DERA: variants seen among roughly 807,000 people sequenced by gnomAD.
The protein encoded by DERA is deoxyribose-phosphate aldolase.
Under a neutral mutation model 41.1 loss-of-function variants are expected in DERA, and 15 were observed. The ratio of observed to expected loss-of-function variants is 0.37; its 90% CI spans 0.24 to 0.56. The LOEUF (loss-of-function observed/expected upper bound fraction) is 0.56. DERA is among the 20% of genes least tolerant of loss of function. DERA has a pLI of 0.81. For synonymous variants in DERA, 139 were observed against 137.4 expected (o/e 1.01, Z -0.08); for missense variants, 396 against 403.4 (o/e 0.98, Z 0.16).
chr12:16,002,729 C>T (rs1379308179), intron 6 of DERA, among the ~76,000 whole-genome samples: 1 of 152,082 alleles, frequency 6.6e-6, no homozygotes, highest in East Asian at 1.9e-4. Context: ...GACTCTTTAC[C>T]TCTCCTGAAC....
Position 16,017,291 on chromosome 12 carries a change from C to T in DERA, c.638-15251C>T, listed in dbSNP as rs549745294. Among the ~76,000 whole-genome samples the T allele has an allele frequency of 2.7e-4, 41 of 152,292 alleles. No homozygotes were observed. The highest frequency in any genetic ancestry group is 9.6e-4 in the African/African-American group (40 of 41,556). On this transcript the variant is annotated intron_variant, in intron 6 of 8. Transcript: ENST00000428559. The surrounding 1 kb of genome is among the most constrained non-coding windows in gnomAD (Gnocchi z 5.5). ...TAAACAAGCATCATTGCTTAGTTATCGTGTTCTATTGCATTGCTAACGTGA... is the reference window on the plus strand; with the variant it reads ...TAAACAAGCATCATTGCTTAGTTATTGTGTTCTATTGCATTGCTAACGTGA...
rs1194469357 is a variant in DERA at position 16,000,233 on chromosome 12, G to A, written c.637+17797G>A. 2.0e-5 allele frequency among the ~76,000 whole-genome samples: 3 copies of A among 152,102 alleles called. No individual in the cohort carries two copies. The highest frequency in any genetic ancestry group is 4.8e-5 in the African/African-American group (2 of 41,392). ...GTTTCCATTTATAAGACCTGCACCC[G>A]TTCATTCTATTATTGGTTTATTGCA... is the stretch of plus-strand genomic sequence containing the variant. On this transcript the variant is annotated intron_variant, in intron 6 of 8. Transcript: ENST00000428559. The surrounding 1 kb of genome is among the most constrained non-coding windows in gnomAD (Gnocchi z 4.8).
In DERA at chr12:15,976,077, T is replaced by A. The variant is rs1018666654; in HGVS notation, c.509-6231T>A. Among the ~76,000 whole-genome samples the A allele has an allele frequency of 1.3e-5, 2 of 152,160 alleles. No homozygotes were observed. The highest frequency in any genetic ancestry group is 2.4e-5 in the African/African-American group (1 of 41,446). ...TCATTTTTATTTATTTATATATCAG[T>A]CTATAAATCTGTCTTAGAACTTACA... On this transcript the variant is annotated intron_variant, in intron 5 of 8. Transcript: ENST00000428559. The surrounding 1 kb of genome is among the most constrained non-coding windows in gnomAD (Gnocchi z 4.1).
intron 7 of DERA, 170 bp downstream of exon 7, chr12:16,032,824 A>G (rs1949102113): frequency 5.2e-6 from 3 of 574,618 alleles, no homozygotes; most frequent in Non-Finnish European, 9.1e-6. Flanking sequence ...ATGGAGAAAA[A>G]TTGTGATGAA....
At chr12:15,932,816 ATTT>A (rs1420535674) in intron 1 of DERA, among the ~76,000 whole-genome samples, 1 of 152,108 alleles carries the variant, frequency 6.6e-6, no homozygotes, top group African/African-American at 2.4e-5. Flanking sequence ...TCTAACCGAA[ATTT>A]TTGTACCCTT....
At chr12:15,997,761 T>G (rs1281099578) in intron 6 of DERA, among the ~76,000 whole-genome samples, 1 of 152,238 alleles carries the variant, frequency 6.6e-6, no homozygotes, top group African/African-American at 2.4e-5. Flanking sequence ...GAACATACTT[T>G]TCAAATTGAA....
At chr12:16,023,615 C>T (rs1207009743) in intron 6 of DERA, among the ~76,000 whole-genome samples, 1 of 149,824 alleles carries the variant, frequency 6.7e-6, no homozygotes, top group East Asian at 2.0e-4. Flanking sequence ...GTAGCTGGGA[C>T]TACAGGCGCC....
Position 15,936,947 on chromosome 12 carries a change from CGTCCTGTCCT to C in DERA, c.32-19987_32-19978del, listed in dbSNP as rs1948372102. 1.5e-5 allele frequency among the ~76,000 whole-genome samples: 2 copies of C among 135,732 alleles called. No homozygotes were observed. The highest frequency in any genetic ancestry group is 6.3e-5 in the African/African-American group (2 of 31,980). 89.0% of individuals were successfully genotyped at this position (135,732 alleles called of 152,430 possible). ...TGTCCTGTCCTGTCTTGTCCTGTCC[CGTCCTGTCCT>C]GCCCTGCCCTGCCCTGTCTTGTCTT... On this transcript the variant is annotated intron_variant, in intron 1 of 8. Coordinates refer to ENST00000428559, the MANE Select transcript of DERA (RefSeq NM_015954.4). This position sits in a 1 kb window ranked among gnomAD's most constrained non-coding sequence, Gnocchi z 4.6.
In DERA at chr12:16,012,834, G is replaced by A. The variant is rs910015633; in HGVS notation, c.638-19708G>A. On this transcript the variant is annotated intron_variant, in intron 6 of 8. Coordinates refer to ENST00000428559, the MANE Select transcript of DERA (RefSeq NM_015954.4). The surrounding 1 kb of genome is among the most constrained non-coding windows in gnomAD (Gnocchi z 4.1). ...ACATTAATTAAATGAAGAGAAACAGGTGAAACAGTAATTATATTTTATTTA... is the reference window on the plus strand; with the variant it reads ...ACATTAATTAAATGAAGAGAAACAGATGAAACAGTAATTATATTTTATTTA... Among the ~76,000 whole-genome samples, 7 of 152,212 alleles carry A rather than the reference G, an allele frequency of 4.6e-5. No individual in the cohort carries two copies. The highest frequency in any genetic ancestry group is 7.4e-5 in the Non-Finnish European group (5 of 68,026).
rs551893497 is a variant in DERA, at chr12:15,924,930, C to T, written c.31+13516C>T. Among the ~76,000 whole-genome samples, 207 of 152,322 alleles carry T rather than the reference C, an allele frequency of 1.4e-3. No individual in the cohort carries two copies. The highest frequency in any genetic ancestry group is 3.4e-3 in the Middle Eastern group (1 of 294). ...GGTAGGATCTGTGCTTATCGGGCGT[C>T]TGTATCACTTATGTCACCTTGAACA... is the stretch of plus-strand genomic sequence containing the variant. On this transcript the variant is annotated intron_variant, in intron 1 of 8. Coordinates refer to ENST00000428559, the MANE Select transcript of DERA (RefSeq NM_015954.4). The surrounding 1 kb of genome is among the most constrained non-coding windows in gnomAD (Gnocchi z 5.0).
intron 6 of DERA, among the ~76,000 whole-genome samples, chr12:16,005,868 A>G (rs1471544792): frequency 1.3e-5 from 2 of 152,232 alleles, no homozygotes; most frequent in South Asian, 2.1e-4. Flanking sequence ...TAAATTTTTA[A>G]GCAGACAAGA....
At chr12:15,974,415 TTG>T (rs1948684127) in intron 5 of DERA, among the ~76,000 whole-genome samples, 1 of 152,186 alleles carries the variant, frequency 6.6e-6, no homozygotes, top group Non-Finnish European at 1.5e-5. Context: ...TACGGGCCTG[TTG>T]TTTTGTAAAA....
In DERA at chr12:15,943,772, A is replaced by G. The variant is rs1948425750; in HGVS notation, c.32-13164A>G. On this transcript the variant is annotated intron_variant, in intron 1 of 8. Transcript: ENST00000428559. This position sits in a 1 kb window ranked among gnomAD's most constrained non-coding sequence, Gnocchi z 4.5. Reference sequence around the variant, plus strand: ...ACTTTAAGTTCTAGGATACATATGCACAATGTGCAGGTTTGTTACATGTGT... The same window carrying G: ...ACTTTAAGTTCTAGGATACATATGCGCAATGTGCAGGTTTGTTACATGTGT... Among the ~76,000 whole-genome samples the G allele has an allele frequency of 6.6e-6, 1 of 151,176 alleles. No homozygotes were observed. The highest frequency in any genetic ancestry group is 2.1e-4 in the South Asian group (1 of 4,814).
rs2136163503 is a variant in DERA at position 15,984,058 on chromosome 12, C to T, written c.637+1622C>T. On this transcript the variant is annotated intron_variant, in intron 6 of 8. Transcript: ENST00000428559. The surrounding 1 kb of genome is among the most constrained non-coding windows in gnomAD (Gnocchi z 4.5). ...GCTTGCCAGCACAAGTGATTGTTAG[C>T]CCAGGTAACAAAGTAAAAGTTTGGA... 6.6e-6 allele frequency among the ~76,000 whole-genome samples: 1 copy of T among 152,216 alleles called. No homozygotes were observed. Among genetic ancestry groups the T allele is most frequent in the Non-Finnish European group, 1.5e-5 (1 of 68,016 alleles).
intron 6 of DERA, among the ~76,000 whole-genome samples, chr12:15,991,836 G>T (rs747773347): frequency 6.6e-6 from 1 of 152,010 alleles, no homozygotes; most frequent in Non-Finnish European, 1.5e-5. Flanking sequence ...TTGATGTTTG[G>T]AAACATTCCA....
rs1299914885 is a variant in DERA, at chr12:16,014,531, C to A, written c.638-18011C>A. 6.6e-6 allele frequency among the ~76,000 whole-genome samples: 1 copy of A among 152,252 alleles called. No homozygotes were observed. Among genetic ancestry groups the A allele is most frequent in the Non-Finnish European group, 1.5e-5 (1 of 68,048 alleles). ...GTCAAGAATTGAGGTTTGGAAACCA[C>A]CACCTAGGTTTCAGAGGATGTATGG... On this transcript the variant is annotated intron_variant, in intron 6 of 8. Coordinates refer to ENST00000428559, the MANE Select transcript of DERA (RefSeq NM_015954.4). The surrounding 1 kb of genome is among the most constrained non-coding windows in gnomAD (Gnocchi z 5.4).
chr12:15,935,580 G>A lies in DERA; in HGVS notation c.32-21356G>A, dbSNP rs930461658. Among the ~76,000 whole-genome samples the A allele has an allele frequency of 6.6e-6, 1 of 152,102 alleles. No homozygotes were observed. Reference sequence around the variant, plus strand: ...TTCACATATCTGTACCAGTTTCAGTGTAATTTGATTTATTTATTTTTATTA... The same window carrying A: ...TTCACATATCTGTACCAGTTTCAGTATAATTTGATTTATTTATTTTTATTA... On this transcript the variant is annotated intron_variant, in intron 1 of 8. Coordinates refer to ENST00000428559, the MANE Select transcript of DERA (RefSeq NM_015954.4). The surrounding 1 kb of genome is among the most constrained non-coding windows in gnomAD (Gnocchi z 4.8).
At chr12:15,949,251 C>A (rs1429505243) in intron 1 of DERA, among the ~76,000 whole-genome samples, 1 of 152,194 alleles carries the variant, frequency 6.6e-6, no homozygotes, top group Non-Finnish European at 1.5e-5. Context: ...TTTAAGTCTG[C>A]AGAGGTTTCT....
intron 1 of DERA, among the ~76,000 whole-genome samples, chr12:15,926,170 A>G (rs1592000802): frequency 6.6e-6 from 1 of 151,300 alleles, no homozygotes; most frequent in Non-Finnish European, 1.5e-5. Context: ...AGTGGCCAGT[A>G]CTGCTCTTCT....
Sources: gnomAD v4.1 joint callset for allele counts (sites outside exome capture counted in the v4.1 genomes callset) on GRCh38, gnomAD v4.1.1 for gene constraint, Gnocchi (gnomAD v3.1) non-coding constraint, MANE v1.5 for transcripts, NCBI Gene and HGNC (gene_info 2026-07-23, HGNC 2026-07-21) for gene names.